RGS6: variants seen among roughly 807,000 people sequenced by gnomAD.
The protein encoded by RGS6 is regulator of G protein signaling 6, also known as regulator of G-protein signaling 6.
RGS6 carries 30 observed loss-of-function variants against 78.5 expected under a neutral mutation model. The observed-to-expected ratio is 0.38, with a 90% CI of 0.29 to 0.52. The LOEUF is 0.52. Ranked by LOEUF, RGS6 falls within the 20% of genes least tolerant of loss-of-function variation. The pLI is 0.85. For synonymous variants in RGS6, 206 were observed against 206.0 expected, an observed-to-expected ratio of 1.00 and a Z score of 0.00; for missense variants, 495 against 609.7, an observed-to-expected ratio of 0.81 and a Z score of 1.98.
At chr14:71,912,522 G>A in the RGS6 span, among the ~76,000 whole-genome samples, 1 of 152,194 alleles carries the variant, frequency 6.6e-6, no homozygotes, top group Non-Finnish European at 1.5e-5. Flanking sequence ...TGAAGAAGGA[G>A]GAAGGGAGCT....
At chr14:72,061,564 A>G (rs2093896481) in intron 2 of RGS6, among the ~76,000 whole-genome samples, 1 of 152,118 alleles carries the variant, frequency 6.6e-6, no homozygotes, top group Admixed American at 6.5e-5. Context: ...TTTCAACTGG[A>G]AAAGTAACTT....
intron 2 of RGS6, among the ~76,000 whole-genome samples, chr14:72,149,596 T>C (rs1288596612): frequency 1.3e-5 from 2 of 152,172 alleles, no homozygotes; most frequent in Admixed American, 6.6e-5. Flanking sequence ...AGCCCAAATT[T>C]CCTGAAACCC....
intron 2 of RGS6, among the ~76,000 whole-genome samples, chr14:72,193,766 G>A (rs2153723675): frequency 6.6e-6 from 1 of 152,292 alleles, no homozygotes; most frequent in East Asian, 1.9e-4. Context: ...TGGGAGAAAA[G>A]TTTATCAGGC....
At chr14:72,059,157 C>T (rs1596821471) in intron 2 of RGS6, among the ~76,000 whole-genome samples, 2 of 152,316 alleles carry the variant, frequency 1.3e-5, no homozygotes, top group Admixed American at 1.3e-4. Flanking sequence ...GCCTCAGCCT[C>T]CCACAGTGCT....
chr14:71,951,850 T>G (rs2092350899), intron 1 of RGS6, among the ~76,000 whole-genome samples: 1 of 152,312 alleles, frequency 6.6e-6, no homozygotes, highest in East Asian at 1.9e-4. Flanking sequence ...TATTTGAAAT[T>G]ATTCGATGCT....
intron 2 of RGS6, among the ~76,000 whole-genome samples, chr14:72,086,100 G>A (rs1198906746): frequency 1.3e-5 from 2 of 152,086 alleles, no homozygotes; most frequent in Non-Finnish European, 2.9e-5. Flanking sequence ...AAAATGTCAG[G>A]AATAAAATGC....
At chr14:71,948,591 G>A (rs34729701) in intron 1 of RGS6, among the ~76,000 whole-genome samples, 42,716 of 151,878 alleles carry the variant, frequency 0.28, 6,623 homozygotes, top group Admixed American at 0.35. Context: ...AAATTTTCAA[G>A]CAGTAAACAC....
intron 2 of RGS6, among the ~76,000 whole-genome samples, chr14:72,125,873 C>G (rs541993436): frequency 6.6e-6 from 1 of 152,160 alleles, no homozygotes; most frequent in Non-Finnish European, 1.5e-5. Context: ...CCAGTTTGAA[C>G]TGGGTAAGAA....
At chr14:72,071,174 CT>C (rs2094395511) in intron 2 of RGS6, among the ~76,000 whole-genome samples, 1 of 152,046 alleles carries the variant, frequency 6.6e-6, no homozygotes, top group Admixed American at 6.5e-5. Context: ...CTTATGTAAT[CT>C]TTTGCAATTT....
intron 2 of RGS6, among the ~76,000 whole-genome samples, chr14:72,303,412 A>G (rs1311998410): frequency 6.6e-6 from 1 of 152,172 alleles, no homozygotes; most frequent in African/African-American, 2.4e-5. Flanking sequence ...GAGGCAGGAG[A>G]ATTGCTTGAA....
At position 72,463,204 on chromosome 14, in the gene RGS6, A is replaced by C. The variant is rs574288738; in HGVS notation, c.395-2554A>C. 2.6e-5 allele frequency among the ~76,000 whole-genome samples: 4 copies of C among 152,364 alleles called. No individual in the cohort carries two copies. In the South Asian group the frequency reaches 8.3e-4, roughly 32 times the overall value. ...GCCAGATGTAAGGACAAGGAAATAGAAATTTTTCGGTAAGAAATTAAATAT... is the reference window on the plus strand; with the variant it reads ...GCCAGATGTAAGGACAAGGAAATAGCAATTTTTCGGTAAGAAATTAAATAT... On this transcript the variant is annotated intron_variant, in intron 6 of 17. Transcript: ENST00000553525.
At chr14:72,392,127 T>G (rs535431073) in intron 3 of RGS6, among the ~76,000 whole-genome samples, 4 of 152,160 alleles carry the variant, frequency 2.6e-5, no homozygotes, top group Admixed American at 1.3e-4. Context: ...CAAGTGATTC[T>G]TGTGCCTCAG....
intron 2 of RGS6, among the ~76,000 whole-genome samples, chr14:72,057,602 G>C (rs2093684584): frequency 6.6e-6 from 1 of 152,104 alleles, no homozygotes; most frequent in Non-Finnish European, 1.5e-5. Context: ...AGGAAGTTTT[G>C]CTTTCCTATC....
At chr14:72,191,909 T>C (rs965632204) in intron 2 of RGS6, among the ~76,000 whole-genome samples, 2 of 152,132 alleles carry the variant, frequency 1.3e-5, no homozygotes, top group African/African-American at 2.4e-5. Flanking sequence ...TCCTTCCCTC[T>C]TGTTGGCCAC....
chr14:72,513,367 G>C, intron 14 of RGS6, among the ~76,000 whole-genome samples: 1 of 152,162 alleles, frequency 6.6e-6, no homozygotes. Context: ...TCTTCTGGGT[G>C]GGTCTGTGAG....
the RGS6 span, among the ~76,000 whole-genome samples, chr14:72,581,072 G>C: frequency 6.6e-6 from 1 of 152,168 alleles, no homozygotes; most frequent in African/African-American, 2.4e-5. Flanking sequence ...CTTTCAGGCT[G>C]TCCAAGGGGA....
intron 3 of RGS6, among the ~76,000 whole-genome samples, chr14:72,408,263 T>C (rs12435911): frequency 0.2 from 30,876 of 152,194 alleles, 3,631 homozygotes; most frequent in South Asian, 0.33. Flanking sequence ...CCCTGGTGGT[T>C]CTCAGATGAC....
At chr14:71,920,923 A>C in the RGS6 span, among the ~76,000 whole-genome samples, 77,879 of 152,012 alleles carry the variant, frequency 0.51, 20,186 homozygotes, top group Admixed American at 0.56. Flanking sequence ...AAGAGGCAAC[A>C]TATGGAATGG....
intron 3 of RGS6, among the ~76,000 whole-genome samples, chr14:72,358,307 G>T (rs1281990865): frequency 6.6e-6 from 1 of 152,220 alleles, no homozygotes; most frequent in African/African-American, 2.4e-5. Context: ...TAGAGGAGCT[G>T]TAAGAAGAGG....
Sources: allele counts gnomAD v4.1 joint callset (sites outside exome capture counted in the v4.1 genomes callset), GRCh38; gene constraint gnomAD v4.1.1; transcripts MANE v1.5; gene names NCBI Gene and HGNC (gene_info 2026-07-23, HGNC 2026-07-21).